Variants in STAT5A observed in about 807,000 individuals in gnomAD.
The protein encoded by STAT5A is signal transducer and activator of transcription 5A, also known as epididymis secretory sperm binding protein.
In STAT5A, 26 loss-of-function variants were observed where a neutral mutation model predicts 100.2. The ratio of observed to expected loss-of-function variants is 0.26; its 90% CI spans 0.19 to 0.36. The LOEUF (loss-of-function observed/expected upper bound fraction) is 0.36, where lower values mean the gene tolerates loss of function less well. Ranked by LOEUF, STAT5A falls within the 10% of genes least tolerant of loss-of-function variation. The pLI, the probability that STAT5A is intolerant of heterozygous loss-of-function variation, is 1.00. For missense variants in STAT5A, 634 were observed against 1,027.5 expected, an observed-to-expected ratio of 0.62 and a Z score of 5.24; for synonymous variants, 330 against 424.3, an observed-to-expected ratio of 0.78 and a Z score of 2.73.
chr17:42,298,419 C>G (rs924203579), intron 5 of STAT5A, among the ~76,000 whole-genome samples: 1 of 151,870 alleles, frequency 6.6e-6, no homozygotes, highest in Admixed American at 6.6e-5. Context: ...TCTCAGCCTC[C>G]CAAAGTGCTG....
chr17:42,289,144 G>A (rs1386409361), intron 1 of STAT5A: 7 of 377,600 alleles, frequency 1.9e-5, no homozygotes, highest in Non-Finnish European at 3.3e-5. Flanking sequence ...CTCCGGTGGG[G>A]CGAGGGGAGA....
chr17:42,309,135 C>A (rs760775665), intron 17 of STAT5A, 37 bp downstream of exon 17: 33 of 1,612,946 alleles, frequency 2.0e-5, no homozygotes, highest in Non-Finnish European at 2.7e-5. Context: ...CCTTCTGCCT[C>A]TTTCCTCCTC....
intron 11 of STAT5A, among the ~76,000 whole-genome samples, chr17:42,305,012 G>T (rs1174738597): frequency 6.6e-6 from 1 of 151,910 alleles, no homozygotes; most frequent in East Asian, 1.9e-4. Flanking sequence ...GACTAGCCTG[G>T]GCAGCATAGT....
chr17:42,301,513 G>T lies in STAT5A; in HGVS notation c.1169+59G>T, dbSNP rs142985455. On this transcript the variant is annotated intron_variant, in intron 9 of 18. Coordinates refer to ENST00000590949, the MANE Select transcript of STAT5A (RefSeq NM_001288718.2). ...TAGGTGTGGGGGACCTGCACCCCCC[G>T]CTTTGTCCTTGCATCCAGCTATGTC... is the stretch of plus-strand genomic sequence containing the variant. 112 of 1,597,342 alleles carry T rather than the reference G, an allele frequency of 7.0e-5. 1 individual carries two copies. In the African/African-American group the frequency reaches 8.6e-4, roughly 12 times the overall value.
At position 42,301,385 on chromosome 17, in the gene STAT5A, C is replaced by A; in HGVS notation, c.1100C>A (p.Pro367His). Residue 367 changes from proline to histidine, a missense_variant, in exon 9 of 19, where the codon CCC (proline) becomes CAC (histidine). Around this residue, in one of 5 missense-constraint regions of STAT5A, gnomAD observed 98 missense variants for 149.7 expected, o/e 0.65. Coordinates refer to ENST00000590949, the MANE Select transcript of STAT5A (RefSeq NM_001288718.2). Reference sequence around the variant, plus strand: ...AAGCTGAACGTGCACATGAATCCCCCCCAGGTGAAGGCCACCATCATCAGT... The same window carrying A: ...AAGCTGAACGTGCACATGAATCCCCACCAGGTGAAGGCCACCATCATCAGT... Reference protein sequence around the residue: ...GGKLNVHMNPPQVKATIISEQ... With the variant: ...GGKLNVHMNPHQVKATIISEQ... The A allele has an allele frequency of 1.9e-6, 3 of 1,614,192 alleles. No homozygotes were observed. The highest frequency in any genetic ancestry group is 2.5e-6 in the Non-Finnish European group (3 of 1,180,038).
chr17:42,289,827 G>A, intron 2 of STAT5A, 39 bp from the exon 3 acceptor site: 2 of 1,476,402 alleles, frequency 1.4e-6, no homozygotes, highest in Non-Finnish European at 1.8e-6. Context: ...TGCCCAAGGA[G>A]GTGCCACAGT....
At chr17:42,292,667 C>T (rs555798721) in intron 4 of STAT5A, among the ~76,000 whole-genome samples, 1 of 149,552 alleles carries the variant, frequency 6.7e-6, no homozygotes, top group East Asian at 2.0e-4. Flanking sequence ...TGCTCTGTTG[C>T]CCAGGCTGGA....
intron 4 of STAT5A, among the ~76,000 whole-genome samples, chr17:42,292,278 G>C (rs1054760570): frequency 6.6e-6 from 1 of 152,078 alleles, no homozygotes. Context: ...TGTGTGACTT[G>C]AGCAAGTTGC....
At chr17:42,305,219 G>A (rs1309741171) in intron 11 of STAT5A, among the ~76,000 whole-genome samples, 1 of 151,858 alleles carries the variant, frequency 6.6e-6, no homozygotes, top group African/African-American at 2.4e-5. Flanking sequence ...AAAGCAGATT[G>A]CGGCCATGGG....
At chr17:42,295,887 C>A in intron 5 of STAT5A, 94 bp downstream of exon 5, 1 of 1,537,460 alleles carries the variant, frequency 6.5e-7, no homozygotes, top group Non-Finnish European at 8.8e-7. Context: ...GTGTCCATCT[C>A]CTCAGCACTT....
Position 42,310,721 on chromosome 17 carries a change from C to A in STAT5A, c.*52C>A. 6.2e-7 allele frequency: 1 copy of A among 1,609,806 alleles called. No individual in the cohort carries two copies. The highest frequency in any genetic ancestry group is 1.1e-5 in the South Asian group (1 of 90,700). ...GAAACAATATGCAATGTGAAGCGGT[C>A]GTGTTGTGAGTTTAGTAAGGCTGTG... On this transcript the variant is annotated 3_prime_UTR_variant, in exon 19 of 19. Transcript: ENST00000590949.
At chr17:42,296,273 G>A (rs2080917103) in intron 5 of STAT5A, among the ~76,000 whole-genome samples, 1 of 152,168 alleles carries the variant, frequency 6.6e-6, no homozygotes, top group Admixed American at 6.5e-5. Context: ...GGGAGAGGTG[G>A]AACTTCCAAA....
intron 4 of STAT5A, among the ~76,000 whole-genome samples, chr17:42,294,478 C>T (rs1366160322): frequency 6.6e-6 from 1 of 152,170 alleles, no homozygotes; most frequent in African/African-American, 2.4e-5. Context: ...AGGTCCTAGC[C>T]CTTGGGAACC....
rs765359444 is a variant in STAT5A at position 42,300,863 on chromosome 17, G to A, written c.982G>A (p.Val328Met). 3.1e-6 allele frequency: 5 copies of A among 1,611,028 alleles called. No homozygotes were observed. The highest frequency in any genetic ancestry group is 3.4e-6 in the Non-Finnish European group (4 of 1,178,778). ...ATITDIISAL[V>M]TSTFIIEKQP... is the part of the protein sequence containing the mutation. ...CATCACGGACATTATCTCAGCCCTG[G>A]TGACCAGGTGACTGCTGCCTGTTTG... The change falls in exon 8 of 19, where the codon GTG (valine) becomes ATG (methionine). Residue 328 changes from valine (V) to methionine (M), a missense_variant. This residue lies in a region of STAT5A where 98 missense variants were observed against 149.7 expected (regional missense o/e 0.65). Transcript: ENST00000590949.
Position 42,289,503 on chromosome 17 carries a change from G to C in STAT5A, c.92G>C (p.Arg31Pro). The change falls in exon 2 of 19, where the codon CGG becomes CCG. Residue 31 changes from arginine to proline, a missense_variant. Arg to Pro is a moderately radical substitution (Grantham distance 103). Around this residue, in one of 5 missense-constraint regions of STAT5A, gnomAD observed 207 missense variants for 256.6 expected, o/e 0.81. Coordinates refer to ENST00000590949, the MANE Select transcript of STAT5A (RefSeq NM_001288718.2). The part of the protein sequence containing the change: ...LYGQHFPIEV[R>P]HYLAQWIESQ... ...GGCCAGCACTTCCCCATCGAGGTCC[G>C]GCACTACTTGGCCCAGTGGATTGAG... The C allele has an allele frequency of 6.2e-7, 1 of 1,613,248 alleles. No individual in the cohort carries two copies.
chr17:42,301,530 A>G, intron 9 of STAT5A, 76 bp downstream of exon 9: 1 of 1,574,032 alleles, frequency 6.4e-7, no homozygotes, highest in South Asian at 1.2e-5. Flanking sequence ...CCTTGCATCC[A>G]GCTATGTCTT....
At chr17:42,303,513 C>T (rs2081000800) in intron 9 of STAT5A, among the ~76,000 whole-genome samples, 3 of 152,140 alleles carry the variant, frequency 2.0e-5, no homozygotes, top group Admixed American at 2.0e-4. Context: ...AGTTCGAAAC[C>T]AGCCTGAGTA....
chr17:42,301,466 T>C lies in STAT5A; in HGVS notation c.1169+12T>C. The stretch of plus-strand genomic sequence containing the variant: ...GAGAACACCCGCAAGTAATTGTGCC[T>C]CTCCCTTCCCCTGCCCAAGCTTAGG... On this transcript the variant is annotated intron_variant, in intron 9 of 18. Transcript: ENST00000590949. 3 of 1,613,944 alleles carry C rather than the reference T, an allele frequency of 1.9e-6. No individual in the cohort carries two copies. In the African/African-American group the frequency reaches 4.0e-5, roughly 22 times the overall value.
chr17:42,289,145 C>G (rs1194683561), intron 1 of STAT5A: 1 of 377,810 alleles, frequency 2.6e-6, no homozygotes, highest in Non-Finnish European at 4.8e-6. Flanking sequence ...TCCGGTGGGG[C>G]GAGGGGAGAG....
Sources: allele counts gnomAD v4.1 joint callset (sites outside exome capture counted in the v4.1 genomes callset), GRCh38; gene constraint gnomAD v4.1.1; regional missense constraint gnomAD v4.1.1; transcripts MANE v1.5; gene names NCBI Gene and HGNC (gene_info 2026-07-23, HGNC 2026-07-21).